Variants in NRXN3 observed in about 807,000 individuals in gnomAD.
The protein encoded by NRXN3 is neurexin III.
NRXN3 carries 32 observed loss-of-function variants against 137.6 expected under a neutral mutation model. That is an observed-to-expected ratio of 0.23 (90% CI 0.18 to 0.31). The LOEUF is 0.31. NRXN3 is among the 10% of genes least tolerant of loss of function. The probability of loss-of-function intolerance (pLI) is 1.00; values close to 1 mark genes in which losing one functional copy is unlikely to be tolerated. For missense variants in NRXN3, 1,574 were observed against 2,062.5 expected, an observed-to-expected ratio of 0.76 and a Z score of 4.59; for synonymous variants, 798 against 784.5, an observed-to-expected ratio of 1.02 and a Z score of -0.29.
chr14:78,560,124 T>A (rs2096773552), intron 4 of NRXN3, among the ~76,000 whole-genome samples: 2 of 152,214 alleles, frequency 1.3e-5, no homozygotes, highest in South Asian at 4.1e-4. Flanking sequence ...AAGTCACAGA[T>A]GATTATTTTC....
At chr14:78,965,209 G>A (rs1324226391) in intron 11 of NRXN3, among the ~76,000 whole-genome samples, 1 of 152,152 alleles carries the variant, frequency 6.6e-6, no homozygotes, top group Non-Finnish European at 1.5e-5. Context: ...GGCTTGGGTT[G>A]TTGCCAGTTC....
chr14:78,721,544 G>A (rs751669508), intron 8 of NRXN3, among the ~76,000 whole-genome samples: 4 of 152,094 alleles, frequency 2.6e-5, no homozygotes, highest in Non-Finnish European at 4.4e-5. Flanking sequence ...CTTACAATCC[G>A]CAGAACTGTC....
chr14:79,520,402 T>A (rs750984635), intron 16 of NRXN3, among the ~76,000 whole-genome samples: 2 of 152,136 alleles, frequency 1.3e-5, no homozygotes, highest in Non-Finnish European at 2.9e-5. Context: ...CCCATCAACC[T>A]GTCATCTACA....
intron 4 of NRXN3, among the ~76,000 whole-genome samples, chr14:78,610,352 T>C (rs182047614): frequency 3.9e-5 from 6 of 152,350 alleles, no homozygotes; most frequent in Non-Finnish European, 8.8e-5. Flanking sequence ...CTGGATTCTG[T>C]TGAAAAATCC....
intron 8 of NRXN3, among the ~76,000 whole-genome samples, chr14:78,729,749 G>A (rs1447413525): frequency 6.6e-6 from 1 of 151,966 alleles, no homozygotes; most frequent in African/African-American, 2.4e-5. Flanking sequence ...CAAATTCTTC[G>A]GCCATAAACC....
At chr14:79,576,804 T>G (rs2097669037) in intron 16 of NRXN3, among the ~76,000 whole-genome samples, 1 of 152,236 alleles carries the variant, frequency 6.6e-6, no homozygotes, top group South Asian at 2.1e-4. Flanking sequence ...TATCCTAAGC[T>G]TTCTCAGAAA....
Position 79,778,725 on chromosome 14 carries a change from G to A in NRXN3, c.4015-26387G>A, listed in dbSNP as rs571208160. 2.0e-4 allele frequency among the ~76,000 whole-genome samples: 30 copies of A among 152,140 alleles called. No homozygotes were observed. The South Asian group carries it at 5.8e-3, about 30-fold the overall frequency. ...TCTATACGAATTTTCAGGCTGTATA[G>A]TTTAAAAAAAACATTGTTCAATTTC... On this transcript the variant is annotated intron_variant, in intron 19 of 20. Coordinates refer to ENST00000335750, the MANE Select transcript of NRXN3 (RefSeq NM_001330195.2).
rs1018811016 is a variant in NRXN3 at position 78,857,294 on chromosome 14, C to T, written c.2275+46950C>T. ...TTCAACATTTACATTGGAAGATGAA[C>T]ATATTTAGAATGAGCCAAAAGAAAA... On this transcript the variant is annotated intron_variant, in intron 10 of 20. Coordinates refer to ENST00000335750, the MANE Select transcript of NRXN3 (RefSeq NM_001330195.2). Among the ~76,000 whole-genome samples, 7 of 151,776 alleles carry T rather than the reference C, an allele frequency of 4.6e-5. 1 individual carries two copies. The South Asian group carries it at 1.2e-3, about 27-fold the overall frequency.
chr14:79,589,082 C>A (rs1158506611), intron 16 of NRXN3, among the ~76,000 whole-genome samples: 1 of 152,060 alleles, frequency 6.6e-6, no homozygotes, highest in Non-Finnish European at 1.5e-5. Context: ...TGGCGAAACC[C>A]AATCTCTACA....
intron 4 of NRXN3, among the ~76,000 whole-genome samples, chr14:78,641,808 A>G (rs2097636448): frequency 6.6e-6 from 1 of 152,232 alleles, no homozygotes; most frequent in African/African-American, 2.4e-5. Context: ...CTTCTTCGGT[A>G]TAGTTGCATG....
intron 6 of NRXN3, among the ~76,000 whole-genome samples, chr14:78,679,069 G>A (rs1430376335): frequency 6.6e-6 from 1 of 152,064 alleles, no homozygotes; most frequent in African/African-American, 2.4e-5. Context: ...AACCCTCAAA[G>A]CAGATATGAT....
At chr14:79,818,116 C>G (rs983882371) in intron 20 of NRXN3, among the ~76,000 whole-genome samples, 3 of 137,512 alleles carry the variant, frequency 2.2e-5, no homozygotes, top group South Asian at 2.4e-4. Flanking sequence ...TGCAGTGGCG[C>G]GATCTCGGCT....
At chr14:78,663,681 G>T (rs1480261158) in intron 6 of NRXN3, among the ~76,000 whole-genome samples, 1 of 152,106 alleles carries the variant, frequency 6.6e-6, no homozygotes, top group African/African-American at 2.4e-5. Context: ...GTCTGATTTT[G>T]GGAATCACTT....
At chr14:79,084,251 A>C (rs1027108598) in intron 15 of NRXN3, among the ~76,000 whole-genome samples, 1 of 152,102 alleles carries the variant, frequency 6.6e-6, no homozygotes, top group African/African-American at 2.4e-5. Flanking sequence ...GAAATGTTCT[A>C]TATCCTAATT....
intron 19 of NRXN3, among the ~76,000 whole-genome samples, chr14:79,762,184 A>T (rs2099040984): frequency 6.6e-6 from 1 of 151,660 alleles, no homozygotes; most frequent in Non-Finnish European, 1.5e-5. Flanking sequence ...GGGTGACTTC[A>T]TAAAACAGTA....
intron 15 of NRXN3, among the ~76,000 whole-genome samples, chr14:79,105,978 C>T (rs576505444): frequency 5.3e-5 from 8 of 152,112 alleles, no homozygotes; most frequent in African/African-American, 9.6e-5. Context: ...TTAAACCTCC[C>T]GAAGACAGAG....
intron 19 of NRXN3, among the ~76,000 whole-genome samples, chr14:79,717,548 A>G (rs2098827816): frequency 6.6e-6 from 1 of 152,204 alleles, no homozygotes; most frequent in Non-Finnish European, 1.5e-5. Context: ...ACCTTCTCCA[A>G]ATCAAAAGAA....
chr14:78,477,835 G>C (rs925331891), intron 4 of NRXN3, among the ~76,000 whole-genome samples: 2 of 152,136 alleles, frequency 1.3e-5, no homozygotes, highest in East Asian at 1.9e-4. Context: ...TTTCATAGAA[G>C]TTCTAAGGCA....
At chr14:79,346,733 C>T (rs1407715029) in intron 15 of NRXN3, among the ~76,000 whole-genome samples, 1 of 152,142 alleles carries the variant, frequency 6.6e-6, no homozygotes, top group African/African-American at 2.4e-5. Context: ...AGGTGTATCA[C>T]TCCTCGTTAT....
Sources: gnomAD v4.1 joint callset for allele counts (sites outside exome capture counted in the v4.1 genomes callset) on GRCh38, gnomAD v4.1.1 for gene constraint, MANE v1.5 for transcripts, NCBI Gene and HGNC (gene_info 2026-07-23, HGNC 2026-07-21) for gene names.